SOS1: variants seen among roughly 807,000 people sequenced by gnomAD.
The protein encoded by SOS1 is son of sevenless homolog 1.
In SOS1, 25 loss-of-function variants were observed where a neutral mutation model predicts 157.6. The observed-to-expected ratio is 0.16, with a 90% CI of 0.12 to 0.22. The LOEUF is 0.22. SOS1 is among the 10% of genes least tolerant of loss of function. The pLI is 1.00. For synonymous variants in SOS1, 528 were observed against 534.0 expected (o/e 0.99, Z 0.16); for missense variants, 1,237 against 1,599.1 (o/e 0.77, Z 3.86).
At chr2:39,111,774 G>C (rs550428078) in intron 1 of SOS1, among the ~76,000 whole-genome samples, 1 of 149,650 alleles carries the variant, frequency 6.7e-6, no homozygotes, top group African/African-American at 2.5e-5. Context: ...TTGTTGCCCA[G>C]GCTGGAGTGC....
Position 38,995,187 on chromosome 2 carries a change from A to T in SOS1, c.3282T>A (p.Gly1094=). The T allele has an allele frequency of 6.2e-7, 1 of 1,614,052 alleles. No individual in the cohort carries two copies. The highest frequency in any genetic ancestry group is 1.1e-5 in the South Asian group (1 of 91,082). The part of the protein sequence containing the change: ...RTPLTPPPAS[G]ASSTTDVCSV... ...TGCAAACATCTGTGGTACTGGAAGC[A>T]CCAGAAGCAGGCGGAGGTGTTAACG... is the stretch of plus-strand genomic sequence containing the variant. Residue 1094 remains glycine (G), a synonymous_variant, in exon 20 of 23, where the codon GGT becomes GGA. Transcript: ENST00000402219.
In SOS1 at chr2:38,994,348, T is replaced by C. The variant is rs929107112; in HGVS notation, c.3346+775A>G. 2.6e-5 allele frequency among the ~76,000 whole-genome samples: 4 copies of C among 152,302 alleles called. No homozygotes were observed. The East Asian group carries it at 7.7e-4, about 29-fold the overall frequency. ...CTAGAAATAAGAGATGGATAAGCAG[T>C]AGTGTGCAGTCTGTGAGATTTGTTT... is the stretch of plus-strand genomic sequence containing the variant. On this transcript the variant is annotated intron_variant, in intron 20 of 22. Coordinates refer to ENST00000402219, the MANE Select transcript of SOS1 (RefSeq NM_005633.4).
At chr2:39,010,176 T>A (rs971411271) in intron 15 of SOS1, among the ~76,000 whole-genome samples, 3 of 150,988 alleles carry the variant, frequency 2.0e-5, no homozygotes, top group African/African-American at 7.3e-5. Flanking sequence ...ATTAGCTGGG[T>A]GTGGTGGTGT....
At chr2:39,083,477 C>A (rs1421450188) in intron 1 of SOS1, among the ~76,000 whole-genome samples, 1 of 152,112 alleles carries the variant, frequency 6.6e-6, no homozygotes, top group African/African-American at 2.4e-5. Flanking sequence ...GTAGCAATAG[C>A]ACATAATTAG....
At chr2:39,060,254 C>T (rs1671353721) in intron 2 of SOS1, among the ~76,000 whole-genome samples, 1 of 152,160 alleles carries the variant, frequency 6.6e-6, no homozygotes, top group African/African-American at 2.4e-5. Flanking sequence ...TGTTATGACC[C>T]TGTGGCTTTC....
intron 8 of SOS1, among the ~76,000 whole-genome samples, chr2:39,028,432 C>G (rs1267197421): frequency 1.3e-5 from 2 of 152,108 alleles, no homozygotes; most frequent in African/African-American, 4.8e-5. Flanking sequence ...ATGCTCAATT[C>G]ACTCACAATC....
intron 6 of SOS1, among the ~76,000 whole-genome samples, chr2:39,046,798 A>C (rs1310342413): frequency 1.3e-5 from 2 of 152,114 alleles, no homozygotes; most frequent in East Asian, 3.8e-4. Flanking sequence ...CCACCGGCCT[A>C]CATCTACCAA....
At chr2:39,035,639 A>T in intron 6 of SOS1, 139 bp from the exon 7 acceptor site, 1 of 664,480 alleles carries the variant, frequency 1.5e-6, no homozygotes, top group Non-Finnish European at 2.7e-6. Flanking sequence ...ACTACTAATT[A>T]TAATTTTAAT....
chr2:39,051,295 G>A lies in SOS1; in HGVS notation c.721-8C>T. 1.2e-6 allele frequency: 2 copies of A among 1,608,550 alleles called. No individual in the cohort carries two copies. Among genetic ancestry groups the A allele is most frequent in the Non-Finnish European group, 1.7e-6 (2 of 1,175,712 alleles). On this transcript the variant is annotated splice_polypyrimidine_tract_variant and splice_region_variant and intron_variant, in intron 5 of 22. Transcript: ENST00000402219. ...AAATATATTTTCTACATCCTGTTTG[G>A]GGGAAAACACATTAATTCAGTGAGG... is the stretch of plus-strand genomic sequence containing the variant.
chr2:39,046,191 A>C (rs1305999190), intron 6 of SOS1, among the ~76,000 whole-genome samples: 1 of 152,126 alleles, frequency 6.6e-6, no homozygotes, highest in Non-Finnish European at 1.5e-5. Flanking sequence ...TTAAAAAATT[A>C]CTATAGTTCC....
chr2:39,042,374 C>G (rs533543509), intron 6 of SOS1, among the ~76,000 whole-genome samples: 5 of 152,078 alleles, frequency 3.3e-5, no homozygotes, highest in African/African-American at 1.2e-4. Context: ...TTATTCAGAT[C>G]TTCCTTGTGA....
chr2:39,015,802 CTTTTTTT>C (rs1054843148), intron 10 of SOS1, among the ~76,000 whole-genome samples: 12 of 87,416 alleles, frequency 1.4e-4, no homozygotes, highest in African/African-American at 1.9e-4. Context: ...AATTGTAAAT[CTTTTTTT>C]TTTTTTTTTT....
At chr2:39,059,748 A>G (rs1671336875) in intron 2 of SOS1, among the ~76,000 whole-genome samples, 1 of 152,170 alleles carries the variant, frequency 6.6e-6, no homozygotes, top group Non-Finnish European at 1.5e-5. Context: ...AGGGGTGGAG[A>G]ACACAATGAT....
intron 6 of SOS1, among the ~76,000 whole-genome samples, chr2:39,050,617 C>A (rs943350158): frequency 5.9e-5 from 9 of 152,128 alleles, no homozygotes; most frequent in African/African-American, 1.9e-4. Flanking sequence ...CTCCAATGAG[C>A]ATTTCCTTTG....
At chr2:39,010,869 C>T (rs938807792) in intron 14 of SOS1, among the ~76,000 whole-genome samples, 166 bp from the exon 15 acceptor site, 2 of 150,030 alleles carry the variant, frequency 1.3e-5, no homozygotes, top group Admixed American at 1.3e-4. Context: ...TGTAATTATG[C>T]ATATTTCCTT....
intron 10 of SOS1, among the ~76,000 whole-genome samples, chr2:39,016,557 TGTAA>T: frequency 6.6e-6 from 1 of 152,190 alleles, no homozygotes; most frequent in East Asian, 1.9e-4. Flanking sequence ...CAAATCTATT[TGTAA>T]GGTGAGGCTA....
At chr2:39,053,211 TC>T (rs1671083358) in intron 5 of SOS1, among the ~76,000 whole-genome samples, 1 of 152,178 alleles carries the variant, frequency 6.6e-6, no homozygotes, top group African/African-American at 2.4e-5. Flanking sequence ...TAGTTTACTT[TC>T]TCAGGTAATG....
At chr2:39,045,485 G>A (rs895289558) in intron 6 of SOS1, among the ~76,000 whole-genome samples, 1 of 151,940 alleles carries the variant, frequency 6.6e-6, no homozygotes, top group African/African-American at 2.4e-5. Flanking sequence ...ATTAATGGCT[G>A]TTGTATCTTC....
chr2:39,104,138 C>T (rs771180324), intron 1 of SOS1, among the ~76,000 whole-genome samples: 1 of 152,024 alleles, frequency 6.6e-6, no homozygotes, highest in African/African-American at 2.4e-5. Context: ...AAAAATTAGC[C>T]AGGCATGGTG....
Sources: allele counts gnomAD v4.1 joint callset (sites outside exome capture counted in the v4.1 genomes callset), GRCh38; gene constraint gnomAD v4.1.1; transcripts MANE v1.5; gene names NCBI Gene and HGNC (gene_info 2026-07-23, HGNC 2026-07-21).